Variants in NR3C2 observed in about 807,000 individuals in gnomAD.
NR3C2 encodes nuclear receptor subfamily 3 group C member 2, also known as mineralocorticoid receptor.
In NR3C2, 15 loss-of-function variants were observed where a neutral mutation model predicts 86.4. The observed-to-expected ratio is 0.17, with a 90% CI of 0.12 to 0.27. The LOEUF is 0.27. Ranked by LOEUF, NR3C2 falls within the 10% of genes least tolerant of loss-of-function variation. NR3C2 has a pLI of 1.00. For synonymous variants in NR3C2, 458 were observed against 450.5 expected (o/e 1.02, Z -0.21); for missense variants, 960 against 1,195.6 (o/e 0.80, Z 2.91).
chr4:148,318,180 C>T (rs1487292449), intron 2 of NR3C2, among the ~76,000 whole-genome samples: 1 of 151,578 alleles, frequency 6.6e-6, no homozygotes. Context: ...CCAATTTCAT[C>T]CATGTCCCTA....
chr4:148,147,778 G>A (rs1355502363), intron 6 of NR3C2, among the ~76,000 whole-genome samples: 1 of 152,178 alleles, frequency 6.6e-6, no homozygotes, highest in Non-Finnish European at 1.5e-5. Context: ...GGAAAGCACG[G>A]GTAATGGCTC....
chr4:148,111,451 T>G (rs185090521), intron 8 of NR3C2, among the ~76,000 whole-genome samples: 1 of 152,346 alleles, frequency 6.6e-6, no homozygotes, highest in East Asian at 1.9e-4. Flanking sequence ...CCTGCCATAT[T>G]ACCCAGGTAT....
intron 2 of NR3C2, among the ~76,000 whole-genome samples, chr4:148,383,473 T>C (rs1465201988): frequency 6.6e-6 from 1 of 152,202 alleles, no homozygotes; most frequent in African/African-American, 2.4e-5. Context: ...GAATGTACTG[T>C]ATCTGAAATC....
chr4:148,355,454 C>G (rs369114693), intron 2 of NR3C2, among the ~76,000 whole-genome samples: 3 of 152,178 alleles, frequency 2.0e-5, no homozygotes, highest in Non-Finnish European at 2.9e-5. Flanking sequence ...CCCTCTACCC[C>G]ACTCCCACAC....
chr4:148,414,480 GCAT>G (rs1387113097), intron 2 of NR3C2, among the ~76,000 whole-genome samples: 3 of 152,074 alleles, frequency 2.0e-5, no homozygotes, highest in Non-Finnish European at 4.4e-5. Flanking sequence ...GATAAATAAG[GCAT>G]CATATGAAAA....
intron 4 of NR3C2, among the ~76,000 whole-genome samples, chr4:148,162,027 A>G (rs1734685123): frequency 6.6e-6 from 1 of 152,126 alleles, no homozygotes; most frequent in African/African-American, 2.4e-5. Flanking sequence ...GGCAGATTAC[A>G]CCTAAGGCCT....
At chr4:148,298,788 C>T (rs573172378) in intron 2 of NR3C2, among the ~76,000 whole-genome samples, 2 of 152,332 alleles carry the variant, frequency 1.3e-5, no homozygotes, top group South Asian at 2.1e-4. Context: ...TTCAAATATG[C>T]TATGTCTTGT....
intron 3 of NR3C2, among the ~76,000 whole-genome samples, chr4:148,235,864 A>G (rs965655756): frequency 1.3e-5 from 2 of 152,230 alleles, no homozygotes; most frequent in African/African-American, 4.8e-5. Context: ...AAACAAAAAA[A>G]TTTATCAGCA....
intron 2 of NR3C2, among the ~76,000 whole-genome samples, chr4:148,334,947 C>A (rs896821604): frequency 3.9e-5 from 6 of 152,182 alleles, no homozygotes; most frequent in African/African-American, 1.2e-4. Flanking sequence ...TCACTCTAAT[C>A]TCTGCCTTCA....
chr4:148,376,499 G>C (rs1049937792), intron 2 of NR3C2, among the ~76,000 whole-genome samples: 1 of 152,166 alleles, frequency 6.6e-6, no homozygotes, highest in African/African-American at 2.4e-5. Context: ...TGTCCTCAGT[G>C]ACTCTCAAAA....
intron 5 of NR3C2, 50 bp from the exon 6 acceptor site, chr4:148,152,663 A>C: frequency 1.3e-6 from 2 of 1,590,180 alleles, no homozygotes; most frequent in Non-Finnish European, 8.6e-7. Context: ...ATTTAAGTAC[A>C]TTCCAGGAAG....
chr4:148,305,104 A>G (rs1337290920), intron 2 of NR3C2, among the ~76,000 whole-genome samples: 1 of 152,174 alleles, frequency 6.6e-6, no homozygotes, highest in Non-Finnish European at 1.5e-5. Context: ...CATTTGCAAA[A>G]TAATAGAAAA....
intron 2 of NR3C2, among the ~76,000 whole-genome samples, chr4:148,358,588 ATGT>A (rs1469995846): frequency 6.6e-6 from 1 of 151,834 alleles, no homozygotes; most frequent in Admixed American, 6.6e-5. Context: ...AACCTGCACA[ATGT>A]GCACATGTAC....
intron 6 of NR3C2, among the ~76,000 whole-genome samples, chr4:148,128,269 G>C (rs1005281916): frequency 2.0e-5 from 3 of 152,112 alleles, no homozygotes; most frequent in African/African-American, 7.2e-5. Flanking sequence ...CTAGTCCATT[G>C]AGCCTATCAG....
chr4:148,396,604 C>T (rs925373424), intron 2 of NR3C2, among the ~76,000 whole-genome samples: 4 of 152,160 alleles, frequency 2.6e-5, no homozygotes, highest in African/African-American at 9.7e-5. Context: ...AACCTTCATA[C>T]CATGACTTGG....
chr4:148,207,555 C>T (rs888751245), intron 3 of NR3C2, among the ~76,000 whole-genome samples: 8 of 152,154 alleles, frequency 5.3e-5, no homozygotes, highest in Admixed American at 2.0e-4. Flanking sequence ...GTTCCTAATG[C>T]GATTCATAAG....
Position 148,309,899 on chromosome 4 carries a change from C to T in NR3C2, c.1758-49782G>A, listed in dbSNP as rs572376041. 5.3e-5 allele frequency among the ~76,000 whole-genome samples: 8 copies of T among 151,620 alleles called. No homozygotes were observed. In the South Asian group the frequency reaches 1.7e-3, roughly 32 times the overall value. On this transcript the variant is annotated intron_variant, in intron 2 of 8. Coordinates refer to ENST00000358102, the MANE Select transcript of NR3C2 (RefSeq NM_000901.5). ...TAAGTGAACAATTAGATGATAATATCTGATACATCATAAGCACTTAATAAA... is the reference window on the plus strand; with the variant it reads ...TAAGTGAACAATTAGATGATAATATTTGATACATCATAAGCACTTAATAAA...
intron 3 of NR3C2, among the ~76,000 whole-genome samples, chr4:148,231,509 C>T (rs1441591344): frequency 2.6e-5 from 4 of 152,174 alleles, no homozygotes; most frequent in African/African-American, 9.7e-5. Flanking sequence ...AAAATCTACA[C>T]ACCTTAATTA....
intron 3 of NR3C2, among the ~76,000 whole-genome samples, chr4:148,229,974 T>C (rs1190560546): frequency 6.6e-6 from 1 of 152,138 alleles, no homozygotes; most frequent in Non-Finnish European, 1.5e-5. Context: ...TCTAAGGTGA[T>C]ACCAACTGTT....
Sources: gnomAD v4.1 joint callset for allele counts (sites outside exome capture counted in the v4.1 genomes callset) on GRCh38, gnomAD v4.1.1 for gene constraint, MANE v1.5 for transcripts, NCBI Gene and HGNC (gene_info 2026-07-23, HGNC 2026-07-21) for gene names.